CDK13: variants seen among roughly 807,000 people sequenced by gnomAD.
The protein encoded by CDK13 is cyclin-dependent kinase 13.
In CDK13, 40 loss-of-function variants were observed where a neutral mutation model predicts 137.6. The ratio of observed to expected loss-of-function variants is 0.29; its 90% confidence interval spans 0.23 to 0.38. The LOEUF is 0.38. Among genes scored for constraint, CDK13 ranks in the 10% least tolerant of loss-of-function variants. The pLI, the probability that CDK13 is intolerant of heterozygous loss-of-function variation, is 1.00. For missense variants in CDK13, 1,704 were observed against 1,951.8 expected (o/e 0.87, Z 2.39); for synonymous variants, 869 against 760.1 (o/e 1.14, Z -2.36).
chr7:39,971,544 AC>A (rs1223410786), intron 1 of CDK13, among the ~76,000 whole-genome samples: 2 of 151,912 alleles, frequency 1.3e-5, no homozygotes, highest in Non-Finnish European at 1.5e-5. Flanking sequence ...AACAAAAAAA[AC>A]ACTTTGTATT....
At chr7:39,974,548 CTTTTTTTCT>C (rs1348447491) in intron 1 of CDK13, among the ~76,000 whole-genome samples, 4 of 62,818 alleles carry the variant, frequency 6.4e-5, no homozygotes, top group African/African-American at 2.7e-4. Flanking sequence ...GGATTGTTTT[CTTTTTTTCT>C]TTTTTTTTTT....
chr7:40,012,641 G>A (rs1182353049), intron 5 of CDK13, among the ~76,000 whole-genome samples: 1 of 152,096 alleles, frequency 6.6e-6, no homozygotes, highest in East Asian at 1.9e-4. Context: ...AAGGCCGGGT[G>A]CAGTGGCTCA....
intron 2 of CDK13, among the ~76,000 whole-genome samples, chr7:39,989,910 G>A (rs938279568): frequency 6.7e-6 from 1 of 150,224 alleles, no homozygotes; most frequent in Non-Finnish European, 1.5e-5. Context: ...AGCCTCCCGA[G>A]TAGGTGGGAC....
chr7:39,967,207 C>A (rs1050300654), intron 1 of CDK13, among the ~76,000 whole-genome samples: 1 of 152,112 alleles, frequency 6.6e-6, no homozygotes, highest in Non-Finnish European at 1.5e-5. Flanking sequence ...GTGGGCAGAT[C>A]GCTTGAGCTC....
At chr7:40,053,270 G>A (rs184050147) in intron 7 of CDK13, among the ~76,000 whole-genome samples, 2 of 152,108 alleles carry the variant, frequency 1.3e-5, no homozygotes, top group Admixed American at 1.3e-4. Flanking sequence ...AGGTGATTTG[G>A]GTACCCTAAA....
intron 2 of CDK13, among the ~76,000 whole-genome samples, chr7:39,993,862 T>A (rs1455948373): frequency 6.6e-6 from 1 of 152,136 alleles, no homozygotes; most frequent in Admixed American, 6.5e-5. Flanking sequence ...TCACATTATG[T>A]CTTAGTAAGG....
At chr7:40,076,597 T>A (rs1652529268) in intron 9 of CDK13, among the ~76,000 whole-genome samples, 1 of 151,214 alleles carries the variant, frequency 6.6e-6, no homozygotes, top group African/African-American at 2.5e-5. Context: ...CAAAAGAGAG[T>A]AGAACTATGT....
chr7:39,997,524 T>TA lies in CDK13; in HGVS notation c.1908dup (p.Glu637ArgfsTer12). ...GAGGAAATATTTCAGTAAAAGCAGT[T>TA]AAAAAAGAAGTAGAAAAGAAACTCC... On this transcript the variant is annotated frameshift_variant, in exon 3 of 14. Transcript: ENST00000181839. LOFTEE classifies it high-confidence loss of function. 1 of 1,601,168 alleles carries TA rather than the reference T, an allele frequency of 6.2e-7. No individual in the cohort carries two copies. The highest frequency in any genetic ancestry group is 8.5e-7 in the Non-Finnish European group (1 of 1,177,152).
At chr7:39,988,829 C>T (rs1431344068) in intron 2 of CDK13, among the ~76,000 whole-genome samples, 1 of 152,016 alleles carries the variant, frequency 6.6e-6, no homozygotes, top group Non-Finnish European at 1.5e-5. Flanking sequence ...AGCCTGTAAT[C>T]CCAGCACTTT....
rs75305039 is a variant in CDK13, at chr7:39,957,628, C to T, written c.1211+5776C>T. On this transcript the variant is annotated intron_variant, in intron 1 of 13. Transcript: ENST00000181839. ...GAATTTAAGAACCTCCTTCTAGCTT[C>T]TACTTTATTAGAATGAGTAGAGGAT... Among the ~76,000 whole-genome samples, 16 of 152,268 alleles carry T rather than the reference C, an allele frequency of 1.1e-4. No homozygotes were observed. In the East Asian group the frequency reaches 3.1e-3, roughly 29 times the overall value.
intron 1 of CDK13, among the ~76,000 whole-genome samples, chr7:39,971,906 A>T (rs1784007538): frequency 6.6e-6 from 1 of 152,136 alleles, no homozygotes. Flanking sequence ...CAAAAAAAAC[A>T]AAAAAAGGTC....
intron 1 of CDK13, among the ~76,000 whole-genome samples, chr7:39,964,325 G>A (rs1050762695): frequency 1.1e-4 from 17 of 152,112 alleles, no homozygotes; most frequent in African/African-American, 3.9e-4. Flanking sequence ...CAGATATTCA[G>A]CTTCTTCCTG....
chr7:40,015,691 T>G (rs1037186213), intron 5 of CDK13, among the ~76,000 whole-genome samples: 1 of 152,114 alleles, frequency 6.6e-6, no homozygotes, highest in African/African-American at 2.4e-5. Context: ...GTTTTAGTCC[T>G]CTAGTGAAAT....
chr7:40,064,762 C>T (rs149452843), intron 9 of CDK13, among the ~76,000 whole-genome samples: 62 of 148,594 alleles, frequency 4.2e-4, no homozygotes, highest in Admixed American at 1.2e-3. Flanking sequence ...TCACCTGAAA[C>T]ATAGAAAACT....
intron 11 of CDK13, among the ~76,000 whole-genome samples, chr7:40,081,342 G>A (rs1466445992): frequency 6.6e-6 from 1 of 152,054 alleles, no homozygotes; most frequent in Non-Finnish European, 1.5e-5. Flanking sequence ...TGTCAACATA[G>A]TAAATGCTGA....
chr7:39,960,402 C>T lies in CDK13; in HGVS notation c.1211+8550C>T, dbSNP rs373739307. 5.9e-5 allele frequency among the ~76,000 whole-genome samples: 9 copies of T among 151,822 alleles called. No individual in the cohort carries two copies. In the South Asian group the frequency reaches 1.0e-3, roughly 18 times the overall value. On this transcript the variant is annotated intron_variant, in intron 1 of 13. Transcript: ENST00000181839. ...TCGCGAGTAGCTGGGACTACAGGCGCCCGTCACCACGCTTGGCTAATTTTT... is the reference window on the plus strand; with the variant it reads ...TCGCGAGTAGCTGGGACTACAGGCGTCCGTCACCACGCTTGGCTAATTTTT...
intron 5 of CDK13, chr7:40,002,352 C>A: frequency 6.1e-6 from 1 of 164,852 alleles, no homozygotes; most frequent in Admixed American, 6.3e-5. Flanking sequence ...GTATTTTTAC[C>A]CTACATTTTT....
chr7:40,051,104 G>C (rs1785877637), intron 7 of CDK13, among the ~76,000 whole-genome samples: 1 of 152,098 alleles, frequency 6.6e-6, no homozygotes, highest in African/African-American at 2.4e-5. Flanking sequence ...TGAGTTTAGA[G>C]AACCAGAGTT....
chr7:39,979,721 G>A (rs957510005), intron 1 of CDK13, among the ~76,000 whole-genome samples: 5 of 152,168 alleles, frequency 3.3e-5, no homozygotes, highest in Non-Finnish European at 7.3e-5. Flanking sequence ...GAACTTCGTA[G>A]ATATGATTAA....
Sources: allele counts gnomAD v4.1 joint callset (sites outside exome capture counted in the v4.1 genomes callset), GRCh38; gene constraint gnomAD v4.1.1; transcripts MANE v1.5; gene names NCBI Gene and HGNC (gene_info 2026-07-23, HGNC 2026-07-21).